MYO18B: variants seen among roughly 807,000 people sequenced by gnomAD.
MYO18B encodes unconventional myosin-XVIIIb.
In MYO18B, 204 loss-of-function variants were observed where a neutral mutation model predicts 273.0. The observed-to-expected ratio is 0.75, with a 90% CI of 0.67 to 0.84. MYO18B has a LOEUF of 0.84. Among genes scored for constraint, MYO18B ranks in the 40% least tolerant of loss-of-function variants. The pLI is 0.00. For missense variants in MYO18B, 3,212 were observed against 3,287.6 expected (o/e 0.98, Z 0.56); for synonymous variants, 1,330 against 1,305.7 (o/e 1.02, Z -0.40).
In MYO18B at chr22:25,908,272, G is replaced by A. The variant is rs1409180715; in HGVS notation, c.5149-50G>A. On this transcript the variant is annotated intron_variant, in intron 31 of 43. Coordinates refer to ENST00000335473, the MANE Select transcript of MYO18B (RefSeq NM_032608.7). ...ATGCCAAGGATGACATGGAGGGCTT[G>A]GAGAGTTAGAGTGGGTCACCCTCAC... 6.4e-6 allele frequency: 9 copies of A among 1,416,196 alleles called. No homozygotes were observed. In the Admixed American group the frequency reaches 1.8e-4, roughly 28 times the overall value. The allele number at this position is 1,416,196 out of a possible 1,614,324, so 87.7% of individuals were successfully genotyped here. A position where few individuals can be genotyped will look rare whatever the true frequency, so the allele number is the denominator to read the frequency against.
chr22:26,047,432 C>A, the MYO18B span, among the ~76,000 whole-genome samples: 1 of 152,116 alleles, frequency 6.6e-6, no homozygotes, highest in African/African-American at 2.4e-5. Context: ...AGCCAGTTGG[C>A]CCATTTTTAT....
At chr22:25,827,440 G>C (rs1338969885) in intron 14 of MYO18B, among the ~76,000 whole-genome samples, 2 of 152,200 alleles carry the variant, frequency 1.3e-5, no homozygotes, top group African/African-American at 4.8e-5. Context: ...AGGAGCCTCT[G>C]TTTTCCATCG....
intron 34 of MYO18B, among the ~76,000 whole-genome samples, chr22:25,941,018 C>A (rs187802080): frequency 1.3e-5 from 2 of 152,148 alleles, no homozygotes; most frequent in African/African-American, 4.8e-5. Context: ...TGACTTAGTA[C>A]GCACGGAGGA....
intron 15 of MYO18B, among the ~76,000 whole-genome samples, chr22:25,832,495 A>C (rs892784731): frequency 1.3e-5 from 2 of 152,214 alleles, no homozygotes; most frequent in African/African-American, 2.4e-5. Context: ...CCCTGAGGAC[A>C]TTATGCTAAG....
At position 25,895,231 on chromosome 22, in the gene MYO18B, A is replaced by AGGAGAGGCTGGACTC. The variant is rs1424584850; in HGVS notation, c.4624_4638dup (p.Arg1542_Glu1546dup). On this transcript the variant is annotated inframe_insertion, in exon 28 of 44. Coordinates refer to ENST00000335473, the MANE Select transcript of MYO18B (RefSeq NM_032608.7). ...CTCAGAAAGCGTCTGCAGCAATGCG[A>AGGAGAGGCTGGACTC]GGAGAGGCTGGACTCGGAGCTGACA... 2 of 1,609,144 alleles carry AGGAGAGGCTGGACTC rather than the reference A, an allele frequency of 1.2e-6. No homozygotes were observed. Among genetic ancestry groups the AGGAGAGGCTGGACTC allele is most frequent in the Admixed American group, 3.4e-5 (2 of 59,460 alleles).
At chr22:25,763,884 ATGTATAGT>A (rs1173851759) in intron 3 of MYO18B, among the ~76,000 whole-genome samples, 2 of 152,186 alleles carry the variant, frequency 1.3e-5, no homozygotes, top group African/African-American at 4.8e-5. Flanking sequence ...ACTGGCTAAG[ATGTATAGT>A]TGGTTCACTT....
rs375054403 is a variant in MYO18B at position 25,803,535 on chromosome 22, G to A, written c.2521+5438G>A. On this transcript the variant is annotated intron_variant, in intron 12 of 43. Transcript: ENST00000335473. ...CCCATTTTGTAAAGGAGAGCCCAGA[G>A]GCAGAGCGGTTCTGTGATGGGTCAA... 1.2e-4 allele frequency among the ~76,000 whole-genome samples: 18 copies of A among 152,192 alleles called. No homozygotes were observed. The South Asian group carries it at 3.7e-3, about 32-fold the overall frequency.
intron 34 of MYO18B, among the ~76,000 whole-genome samples, chr22:25,932,378 C>CTCTTT (rs995392110): frequency 2.3e-4 from 34 of 149,508 alleles, no homozygotes; most frequent in East Asian, 9.7e-4. Flanking sequence ...TTCCTTCTTT[C>CTCTTT]TCTTTTCTTT....
chr22:26,047,328 G>T, the MYO18B span, among the ~76,000 whole-genome samples: 1 of 151,934 alleles, frequency 6.6e-6, no homozygotes, highest in Non-Finnish European at 1.5e-5. Flanking sequence ...GGGTTTCACC[G>T]TGTTAGCCAG....
At chr22:25,852,703 A>G (rs2090459553) in intron 21 of MYO18B, among the ~76,000 whole-genome samples, 1 of 152,230 alleles carries the variant, frequency 6.6e-6, no homozygotes, top group African/African-American at 2.4e-5. Flanking sequence ...CCACACAGCC[A>G]GGCATTTGTG....
chr22:26,035,575 T>A (rs1936762534), downstream of MYO18B, among the ~76,000 whole-genome samples: 1 of 152,164 alleles, frequency 6.6e-6, no homozygotes, highest in South Asian at 2.1e-4. Flanking sequence ...AGCAATGAAT[T>A]CCTGATCGGA....
intron 25 of MYO18B, among the ~76,000 whole-genome samples, chr22:25,890,007 C>A (rs1443342559): frequency 6.6e-6 from 1 of 152,112 alleles, no homozygotes; most frequent in Non-Finnish European, 1.5e-5. Context: ...TTTTTTACTT[C>A]AAGTTTCTTT....
chr22:25,770,225 C>T, intron 5 of MYO18B, 49 bp downstream of exon 5: 2 of 1,562,876 alleles, frequency 1.3e-6, no homozygotes, highest in East Asian at 2.2e-5. Context: ...TTCTCCTGTG[C>T]CCCCTACTGC....
At chr22:25,843,590 G>A (rs548101659) in intron 17 of MYO18B, 145 bp from the exon 18 acceptor site, 3 of 708,140 alleles carry the variant, frequency 4.2e-6, no homozygotes, top group Non-Finnish European at 4.5e-6. Flanking sequence ...ATTCACTACA[G>A]CAGGAGAAAT....
At position 26,026,963 on chromosome 22, in the gene MYO18B, C is replaced by A. The variant is rs1936292936; in HGVS notation, c.6989C>A (p.Ser2330Tyr). The A allele has an allele frequency of 1.2e-6, 2 of 1,613,896 alleles. No individual in the cohort carries two copies. Among genetic ancestry groups the A allele is most frequent in the Non-Finnish European group, 8.5e-7 (1 of 1,179,880 alleles). Residue 2330 changes from serine to tyrosine, a missense_variant, in exon 43 of 44, where the codon TCT becomes TAT. Transcript: ENST00000335473. ...LLRSTSLKCI[S>Y]SDGVGGTTLL... ...AGGTCCACCAGCCTCAAATGCATCT[C>A]TTCAGACGGTGTTGGGGGCACAACC...
chr22:26,033,768 G>C (rs748800072), downstream of MYO18B, among the ~76,000 whole-genome samples: 2 of 147,910 alleles, frequency 1.4e-5, no homozygotes, highest in South Asian at 2.2e-4. Flanking sequence ...TTTTCTCTCT[G>C]TATCTTTTTC....
chr22:25,985,410 A>C (rs2093191206), intron 39 of MYO18B, among the ~76,000 whole-genome samples: 1 of 152,158 alleles, frequency 6.6e-6, no homozygotes. Context: ...TAATGCAATG[A>C]ATCTTCAGGA....
intron 13 of MYO18B, among the ~76,000 whole-genome samples, chr22:25,825,069 A>G (rs2145900887): frequency 6.6e-6 from 1 of 152,270 alleles, no homozygotes; most frequent in Middle Eastern, 3.4e-3. Context: ...ACGCATAGAC[A>G]CAAGCACACA....
At chr22:25,997,302 CG>C (rs1488277237) in intron 40 of MYO18B, among the ~76,000 whole-genome samples, 2 of 23,484 alleles carry the variant, frequency 8.5e-5, no homozygotes, top group Non-Finnish European at 1.3e-4. Context: ...GAAACTCTGT[CG>C]CCAAAAAAAA....
Sources: allele counts gnomAD v4.1 joint callset (sites outside exome capture counted in the v4.1 genomes callset), GRCh38; gene constraint gnomAD v4.1.1; transcripts MANE v1.5; gene names NCBI Gene and HGNC (gene_info 2026-07-23, HGNC 2026-07-21).